Variants in KLHL7 observed in about 807,000 individuals in gnomAD.
KLHL7 encodes the protein kelch like family member 7, also known as kelch-like protein 7.
KLHL7 carries 44 observed loss-of-function variants against 67.4 expected under a neutral mutation model. That is an observed-to-expected ratio of 0.65 (90% CI 0.51 to 0.84). The LOEUF (loss-of-function observed/expected upper bound fraction) is 0.84. KLHL7 is among the 40% of genes least tolerant of loss of function. KLHL7 has a pLI of 0.00. For missense variants in KLHL7, 362 were observed against 718.1 expected (o/e 0.50, Z 5.67); for synonymous variants, 252 against 243.3 (o/e 1.04, Z -0.33).
rs575281848 is a variant in KLHL7, at chr7:23,110,297, CTCT to C, written c.120+4156_120+4158del. Among the ~76,000 whole-genome samples, 413 of 152,344 alleles carry C rather than the reference CTCT, an allele frequency of 2.7e-3. 1 individual carries two copies. Among genetic ancestry groups the C allele is most frequent in the African/African-American group, 8.9e-3 (368 of 41,572 alleles). ...AACCTATTTTGACACTTTCCCTTTTCTCTTCTTATCCTGCTACAATGGAGATGC... is the reference window on the plus strand; with the variant it reads ...AACCTATTTTGACACTTTCCCTTTTCTCTTATCCTGCTACAATGGAGATGC... On this transcript the variant is annotated intron_variant, in intron 1 of 10. Transcript: ENST00000339077.
chr7:23,142,760 G>A (rs1242504650), intron 5 of KLHL7, among the ~76,000 whole-genome samples: 1 of 151,760 alleles, frequency 6.6e-6, no homozygotes, highest in African/African-American at 2.4e-5. Context: ...AACTGTCAAG[G>A]TTGTCAAAAA....
intron 4 of KLHL7, among the ~76,000 whole-genome samples, chr7:23,136,773 T>C (rs1445758238): frequency 6.6e-6 from 1 of 152,182 alleles, no homozygotes; most frequent in Admixed American, 6.5e-5. Flanking sequence ...TTTAGAGATA[T>C]TAAAGGTAAA....
At chr7:23,137,146 A>G (rs1784007223) in intron 4 of KLHL7, among the ~76,000 whole-genome samples, 1 of 152,126 alleles carries the variant, frequency 6.6e-6, no homozygotes, top group East Asian at 1.9e-4. Flanking sequence ...TTAGCCAGGC[A>G]TGGTGGTGTG....
chr7:23,127,804 C>T (rs1488301640), intron 4 of KLHL7, among the ~76,000 whole-genome samples: 1 of 151,724 alleles, frequency 6.6e-6, no homozygotes, highest in Non-Finnish European at 1.5e-5. Context: ...AACCGGGAGG[C>T]GGAGGTTGCA....
intron 7 of KLHL7, among the ~76,000 whole-genome samples, chr7:23,165,447 ATTTAAG>A (rs1349064324): frequency 2.0e-5 from 3 of 152,192 alleles, no homozygotes; most frequent in African/African-American, 4.8e-5. Flanking sequence ...ATCCAAATAT[ATTTAAG>A]TTTATTTTAG....
At chr7:23,172,908 T>C in intron 9 of KLHL7, 40 bp from the exon 10 acceptor site, 2 of 1,422,512 alleles carry the variant, frequency 1.4e-6, no homozygotes, top group Non-Finnish European at 2.0e-6. Context: ...GTTCTTTTAC[T>C]TCCTGTAAAC....
intron 7 of KLHL7, among the ~76,000 whole-genome samples, chr7:23,163,635 G>T (rs2128469182): frequency 6.6e-6 from 1 of 152,268 alleles, no homozygotes; most frequent in East Asian, 1.9e-4. Context: ...AAGCAGTCTT[G>T]AGCTTAGAAA....
At chr7:23,124,883 A>G in intron 3 of KLHL7, 102 bp downstream of exon 3, 1 of 1,133,058 alleles carries the variant, frequency 8.8e-7, no homozygotes, top group African/African-American at 1.5e-5. Flanking sequence ...TTCAAAATGA[A>G]AAACCGCAAG....
At chr7:23,164,355 A>G in intron 7 of KLHL7, among the ~76,000 whole-genome samples, 1 of 152,236 alleles carries the variant, frequency 6.6e-6, no homozygotes, top group East Asian at 1.9e-4. Context: ...AGGTATTATG[A>G]GTAGATATGA....
chr7:23,174,624 C>T lies in KLHL7; in HGVS notation c.*326C>T. The T allele has an allele frequency of 2.1e-6, 1 of 483,486 alleles. No individual in the cohort carries two copies. Among genetic ancestry groups the T allele is most frequent in the South Asian group, 1.5e-5 (1 of 64,738 alleles). The allele number at this position is 483,486 out of a possible 1,614,324, so 29.9% of individuals were successfully genotyped here. On this transcript the variant is annotated 3_prime_UTR_variant, in exon 11 of 11. Coordinates refer to ENST00000339077, the MANE Select transcript of KLHL7 (RefSeq NM_001031710.3). ...AGAAGATTGGCTCATCAGTGAAGCG[C>T]AGTATCTTAGCTCTAGATTCTATTT...
At chr7:23,169,315 G>A (rs1785090061) in intron 9 of KLHL7, among the ~76,000 whole-genome samples, 1 of 152,038 alleles carries the variant, frequency 6.6e-6, no homozygotes, top group Admixed American at 6.6e-5. Context: ...GATTAATTAT[G>A]TGCATTTATC....
In KLHL7 at chr7:23,175,332, T is replaced by C. The variant is rs185469898; in HGVS notation, c.*1034T>C. On this transcript the variant is annotated 3_prime_UTR_variant, in exon 11 of 11. Transcript: ENST00000339077. ...ACTCATTTCCTTCCTAGTAATACTT[T>C]GCCTTTTTCACTGTGTATGGAATGA... 326 of 454,086 alleles carry C rather than the reference T, an allele frequency of 7.2e-4. 1 individual carries two copies. Among genetic ancestry groups the C allele is most frequent in the African/African-American group, 6.1e-3 (307 of 50,142 alleles). 28.1% of individuals were successfully genotyped at this position (454,086 alleles called of 1,614,324 possible).
At chr7:23,125,541 A>C (rs542423469) in intron 4 of KLHL7, among the ~76,000 whole-genome samples, 2 of 152,322 alleles carry the variant, frequency 1.3e-5, no homozygotes, top group Admixed American at 1.3e-4. Flanking sequence ...ACTTATAGTT[A>C]GGTAACTTGC....
At chr7:23,167,297 C>T (rs1785029669) in intron 8 of KLHL7, among the ~76,000 whole-genome samples, 1 of 151,978 alleles carries the variant, frequency 6.6e-6, no homozygotes, top group Non-Finnish European at 1.5e-5. Context: ...TGAGAATATA[C>T]TCAAGCAGGG....
chr7:23,168,843 G>A (rs370739563), intron 9 of KLHL7, among the ~76,000 whole-genome samples: 7 of 152,302 alleles, frequency 4.6e-5, no homozygotes, highest in South Asian at 2.1e-4. Context: ...GGGTGAATAC[G>A]TTCACTAAAA....
chr7:23,167,950 T>C lies in KLHL7; in HGVS notation c.1292T>C (p.Leu431Pro). The part of the protein sequence containing the change: ...CSHGMVEANG[L>P]IYVCGGSLGN... The stretch of plus-strand genomic sequence containing the variant: ...CATGGGATGGTGGAAGCCAATGGCC[T>C]AATCTATGTTTGTGGTGGAAGTTTA... The change falls in exon 9 of 11, where the codon CTA (leucine) becomes CCA (proline). Residue 431 changes from leucine (L) to proline (P), a missense_variant. Physicochemically the swap from Leu to Pro is moderately conservative, Grantham distance 98. Coordinates refer to ENST00000339077, the MANE Select transcript of KLHL7 (RefSeq NM_001031710.3). 1 of 1,614,244 alleles carries C rather than the reference T, an allele frequency of 6.2e-7. No individual in the cohort carries two copies. Among genetic ancestry groups the C allele is most frequent in the Non-Finnish European group, 8.5e-7 (1 of 1,180,026 alleles).
chr7:23,165,647 T>A (rs779061030), intron 7 of KLHL7, 51 bp from the exon 8 acceptor site: 10 of 1,601,448 alleles, frequency 6.2e-6, no homozygotes, highest in Middle Eastern at 1.7e-4. Flanking sequence ...ATTGTCCTTT[T>A]CAGTTATATT....
chr7:23,106,412 G>T (rs192799959), intron 1 of KLHL7: 2 of 1,307,448 alleles, frequency 1.5e-6, no homozygotes, highest in Admixed American at 6.5e-5. Flanking sequence ...TTCGCCGTCG[G>T]GTATCGGTTG....
intron 10 of KLHL7, among the ~76,000 whole-genome samples, chr7:23,173,696 T>C (rs1276763529): frequency 1.3e-5 from 2 of 152,218 alleles, no homozygotes; most frequent in African/African-American, 2.4e-5. Flanking sequence ...AGAAGGACAT[T>C]TGAGTAATTA....
Sources: allele counts gnomAD v4.1 joint callset (sites outside exome capture counted in the v4.1 genomes callset), GRCh38; gene constraint gnomAD v4.1.1; transcripts MANE v1.5; gene names NCBI Gene and HGNC (gene_info 2026-07-23, HGNC 2026-07-21).